Variants in ASTN2 observed in about 807,000 individuals in gnomAD.
ASTN2 encodes astrotactin-2.
In ASTN2, 54 loss-of-function variants were observed where a neutral mutation model predicts 139.8. The ratio of observed to expected loss-of-function variants is 0.39; its 90% CI spans 0.31 to 0.48. ASTN2 has a LOEUF of 0.48. Among genes scored for constraint, ASTN2 ranks in the 20% least tolerant of loss-of-function variants. The pLI is 0.95. For missense variants in ASTN2, 1,565 were observed against 1,725.1 expected, an observed-to-expected ratio of 0.91 and a Z score of 1.64; for synonymous variants, 756 against 719.5, an observed-to-expected ratio of 1.05 and a Z score of -0.81.
intron 3 of ASTN2, among the ~76,000 whole-genome samples, chr9:117,213,588 A>C (rs928344563): frequency 1.3e-5 from 2 of 152,200 alleles, no homozygotes; most frequent in Non-Finnish European, 2.9e-5. Context: ...GTCAATATAA[A>C]AAAACATAAA....
At chr9:117,154,133 T>C (rs1830383282) in intron 3 of ASTN2, among the ~76,000 whole-genome samples, 3 of 152,046 alleles carry the variant, frequency 2.0e-5, no homozygotes, top group African/African-American at 7.2e-5. Flanking sequence ...GCAGGGATGT[T>C]AGAGCAAAAT....
At chr9:117,225,390 T>G (rs968191967) in intron 2 of ASTN2, among the ~76,000 whole-genome samples, 1 of 151,214 alleles carries the variant, frequency 6.6e-6, no homozygotes, top group Non-Finnish European at 1.5e-5. Context: ...TTTAGGAGGA[T>G]TGAGTTTCTT....
intron 1 of ASTN2, among the ~76,000 whole-genome samples, chr9:117,316,238 A>T (rs894567507): frequency 1.9e-4 from 29 of 152,196 alleles, no homozygotes; most frequent in African/African-American, 7.0e-4. Context: ...TTCAACACAG[A>T]TGACCTGAGT....
At chr9:117,186,221 T>C (rs1338415401) in intron 3 of ASTN2, among the ~76,000 whole-genome samples, 1 of 152,244 alleles carries the variant, frequency 6.6e-6, no homozygotes, top group Non-Finnish European at 1.5e-5. Context: ...TTGGCCCATA[T>C]AGAGTAACTA....
chr9:117,177,836 C>T (rs1830956281), intron 3 of ASTN2, among the ~76,000 whole-genome samples: 1 of 152,174 alleles, frequency 6.6e-6, no homozygotes, highest in African/African-American at 2.4e-5. Context: ...ATCCTCCATG[C>T]TTCCTTTAGT....
chr9:116,987,331 T>C (rs1021664183), intron 7 of ASTN2, among the ~76,000 whole-genome samples: 6 of 152,246 alleles, frequency 3.9e-5, no homozygotes, highest in Non-Finnish European at 8.8e-5. Flanking sequence ...CTAATTGGTG[T>C]TGGCTCAGCT....
At chr9:117,116,543 C>CTA (rs1829396029) in intron 4 of ASTN2, among the ~76,000 whole-genome samples, 1 of 150,610 alleles carries the variant, frequency 6.6e-6, no homozygotes, top group Non-Finnish European at 1.5e-5. Context: ...TTGATCAAAG[C>CTA]TATAGACAAT....
chr9:117,350,773 T>C (rs1184814768), intron 1 of ASTN2, among the ~76,000 whole-genome samples: 2 of 152,050 alleles, frequency 1.3e-5, no homozygotes, highest in African/African-American at 4.8e-5. Flanking sequence ...CTAAGAATGT[T>C]AGCAAGTTAG....
At chr9:116,565,387 CCATA>C (rs1340378324) in intron 19 of ASTN2, among the ~76,000 whole-genome samples, 1,472 of 41,894 alleles carry the variant, frequency 0.035, 52 homozygotes, top group South Asian at 0.045. Context: ...CTCTCTCTCT[CCATA>C]TATATATATA....
At chr9:116,617,907 A>G (rs909967005) in intron 19 of ASTN2, among the ~76,000 whole-genome samples, 10 of 152,220 alleles carry the variant, frequency 6.6e-5, no homozygotes, top group African/African-American at 2.2e-4. Flanking sequence ...TCTCTCTCCC[A>G]GCACTAGTTA....
intron 20 of ASTN2, among the ~76,000 whole-genome samples, chr9:116,467,190 C>A (rs1040486382): frequency 4.6e-5 from 7 of 152,126 alleles, no homozygotes; most frequent in African/African-American, 1.7e-4. Context: ...CATCTTCATA[C>A]CCCTCATAAG....
rs145431303 is a variant in ASTN2, at chr9:116,883,015, G to A, written c.1890-19282C>T. Among the ~76,000 whole-genome samples, 14 of 152,234 alleles carry A rather than the reference G, an allele frequency of 9.2e-5. No homozygotes were observed. The East Asian group carries it at 1.9e-3, about 21-fold the overall frequency. The stretch of plus-strand genomic sequence containing the variant: ...ATCAAAACTCGAAGTGTTCGTACAC[G>A]TTGACCAAGTGATCACAGTAATCAG... On this transcript the variant is annotated intron_variant, in intron 10 of 22. Coordinates refer to ENST00000313400, the MANE Select transcript of ASTN2 (RefSeq NM_001365068.1).
intron 1 of ASTN2, among the ~76,000 whole-genome samples, chr9:117,413,819 C>CG (rs1276112190): frequency 6.6e-6 from 1 of 152,106 alleles, no homozygotes; most frequent in Admixed American, 6.5e-5. Context: ...AAGGCGGTAA[C>CG]GGGGGTAGAG....
At chr9:116,526,374 G>A (rs752646232) in intron 19 of ASTN2, among the ~76,000 whole-genome samples, 3 of 152,124 alleles carry the variant, frequency 2.0e-5, no homozygotes, top group Non-Finnish European at 4.4e-5. Flanking sequence ...CACTTTGGGC[G>A]GCCAAGGTGG....
chr9:116,770,137 G>C (rs1395105986), intron 13 of ASTN2, among the ~76,000 whole-genome samples: 1 of 151,232 alleles, frequency 6.6e-6, no homozygotes, highest in Non-Finnish European at 1.5e-5. Flanking sequence ...GCTACCGCAA[G>C]GATAGAGAAA....
intron 4 of ASTN2, among the ~76,000 whole-genome samples, chr9:117,119,380 AG>A (rs1412505513): frequency 6.6e-6 from 1 of 152,212 alleles, no homozygotes; most frequent in East Asian, 1.9e-4. Context: ...TTCAGGTTCA[AG>A]GAGTGGGAAT....
intron 3 of ASTN2, among the ~76,000 whole-genome samples, chr9:117,144,280 C>T (rs1356448095): frequency 2.0e-5 from 3 of 152,030 alleles, no homozygotes; most frequent in Non-Finnish European, 2.9e-5. Context: ...AAATTTCTCT[C>T]GTTTAAGGCA....
intron 1 of ASTN2, among the ~76,000 whole-genome samples, chr9:117,358,701 A>G (rs1829613388): frequency 6.6e-6 from 1 of 152,148 alleles, no homozygotes. Flanking sequence ...CCAAGAGCAG[A>G]GAAACGAAGA....
intron 4 of ASTN2, 37 bp from the exon 5 acceptor site, chr9:117,096,188 G>C (rs991972395): frequency 3.9e-6 from 6 of 1,553,268 alleles, no homozygotes; most frequent in South Asian, 1.1e-5. Flanking sequence ...AGTCTCCCAG[G>C]CCTCCAGAAG....
Sources: allele counts gnomAD v4.1 joint callset (sites outside exome capture counted in the v4.1 genomes callset), GRCh38; gene constraint gnomAD v4.1.1; transcripts MANE v1.5; gene names NCBI Gene and HGNC (gene_info 2026-07-23, HGNC 2026-07-21).